Variants in ITPRIP observed in about 807,000 individuals in gnomAD.
The protein encoded by ITPRIP is inositol 1,4,5-trisphosphate receptor interacting protein.
A neutral mutation model predicts 35.8 loss-of-function variants in ITPRIP; 32 were observed. The observed-to-expected ratio is 0.89, with a 90% confidence interval of 0.68 to 1.20. The LOEUF is 1.20. Ranked by LOEUF, ITPRIP falls within the 50% of genes most tolerant of loss-of-function variation. The pLI is 0.00. For synonymous variants in ITPRIP, 358 were observed against 324.0 expected (o/e 1.11, Z -1.13); for missense variants, 653 against 735.6 (o/e 0.89, Z 1.30).
rs2014031468 is a variant in ITPRIP at position 104,326,964 on chromosome 10, C to T, written c.-13-10900G>A. On this transcript the variant is annotated intron_variant, in intron 1 of 1. Transcript: ENST00000337478. The surrounding 1 kb of genome is among the most constrained non-coding windows in gnomAD (Gnocchi z 4.8). ...GGGAGTGTGGCCCTGATACCTTGAT[C>T]CTGGTCTCCAGAACTGTGAAAATAA... is the stretch of plus-strand genomic sequence containing the variant. 6.6e-6 allele frequency: 1 copy of T among 152,194 alleles called. No homozygotes were observed. Among genetic ancestry groups the T allele is most frequent in the Non-Finnish European group, 1.5e-5 (1 of 68,066 alleles). The allele number at this position is 152,194 out of a possible 1,614,324, so 9.4% of individuals were successfully genotyped here. A position where few individuals can be genotyped will look rare whatever the true frequency, so the allele number is the denominator to read the frequency against.
rs1324143421 is a variant in ITPRIP, at chr10:104,330,562, T to C, written c.-14+7684A>G. On this transcript the variant is annotated intron_variant, in intron 1 of 1. Transcript: ENST00000337478. ...TGGACACCTCCCTTCTTGCTCAAGCTTCTTGTAGAAATAAACAGAGGATTA... is the reference window on the plus strand; with the variant it reads ...TGGACACCTCCCTTCTTGCTCAAGCCTCTTGTAGAAATAAACAGAGGATTA... Among the ~76,000 whole-genome samples, 4 of 152,202 alleles carry C rather than the reference T, an allele frequency of 2.6e-5. No homozygotes were observed. The East Asian group carries it at 7.7e-4, about 29-fold the overall frequency.
At position 104,312,765 on chromosome 10, in the gene ITPRIP, G is replaced by A. The variant is rs144537579; in HGVS notation, c.*1643C>T. On this transcript the variant is annotated 3_prime_UTR_variant, in exon 2 of 2. Coordinates refer to ENST00000337478, the MANE Select transcript of ITPRIP (RefSeq NM_001272013.2). ...CTGAGGCTGGTTGAGAGCACTCCTGGGGATGGGGGAAGGATCTCCTTCCTT... is the reference window on the plus strand; with the variant it reads ...CTGAGGCTGGTTGAGAGCACTCCTGAGGATGGGGGAAGGATCTCCTTCCTT... 225 of 985,314 alleles carry A rather than the reference G, an allele frequency of 2.3e-4. No homozygotes were observed. In the African/African-American group the frequency reaches 3.7e-3, roughly 16 times the overall value. 61.0% of individuals were successfully genotyped at this position (985,314 alleles called of 1,614,324 possible). A position where few individuals can be genotyped will look rare whatever the true frequency, so the allele number is the denominator to read the frequency against.
intron 1 of ITPRIP, 21 bp downstream of exon 1, chr10:104,338,225 C>T (rs2014281237): frequency 6.5e-6 from 1 of 153,270 alleles, no homozygotes. Flanking sequence ...CTTCAGCACA[C>T]TAGGCTGCCC....
chr10:104,314,121 T>G lies in ITPRIP; in HGVS notation c.*287A>C. ...CTAACTCAGGGTCCACAGCGTGTTC[T>G]GCCACCATCTTGGCCATTCATGGTG... On this transcript the variant is annotated 3_prime_UTR_variant, in exon 2 of 2. Coordinates refer to ENST00000337478, the MANE Select transcript of ITPRIP (RefSeq NM_001272013.2). 1 of 1,213,344 alleles carries G rather than the reference T, an allele frequency of 8.2e-7. No homozygotes were observed. Among genetic ancestry groups the G allele is most frequent in the Non-Finnish European group, 1.0e-6 (1 of 971,400 alleles). 75.2% of individuals were successfully genotyped at this position (1,213,344 alleles called of 1,614,324 possible).
In ITPRIP at chr10:104,314,408, TCAGCTTTTTG is replaced by T. The variant is rs779337474; in HGVS notation, c.1634_1643del (p.Pro545HisfsTer80). On this transcript the variant is annotated frameshift_variant and stop_lost, in exon 2 of 2. Coordinates refer to ENST00000337478, the MANE Select transcript of ITPRIP (RefSeq NM_001272013.2). LOFTEE classifies it high-confidence loss of function. ...AGGATCCCACATTCTGTAAAAGACGTCAGCTTTTTGGGGTAGGCTGGTCTGAGGGGACATG... is the reference window on the plus strand; with the variant it reads ...AGGATCCCACATTCTGTAAAAGACGTGGGTAGGCTGGTCTGAGGGGACATG... 1 of 1,604,092 alleles carries T rather than the reference TCAGCTTTTTG, an allele frequency of 6.2e-7. No homozygotes were observed. Among genetic ancestry groups the T allele is most frequent in the Non-Finnish European group, 8.5e-7 (1 of 1,173,816 alleles).
chr10:104,327,371 T>A (rs918328729), intron 1 of ITPRIP, among the ~76,000 whole-genome samples: 1 of 152,120 alleles, frequency 6.6e-6, no homozygotes, highest in Admixed American at 6.5e-5. Context: ...GTTCAAGGCC[T>A]GGCCCAACCA....
chr10:104,316,995 TC>T (rs35136372), intron 1 of ITPRIP, among the ~76,000 whole-genome samples: 1 of 152,222 alleles, frequency 6.6e-6, no homozygotes, highest in Middle Eastern at 3.2e-3. Flanking sequence ...GACGCAATGA[TC>T]CCTGCAAACT....
chr10:104,313,310 A>C lies in ITPRIP; in HGVS notation c.*1098T>G. 1 of 986,030 alleles carries C rather than the reference A, an allele frequency of 1.0e-6. No homozygotes were observed. The highest frequency in any genetic ancestry group is 4.7e-5 in the South Asian group (1 of 21,338). The allele number at this position is 986,030 out of a possible 1,614,324, so 61.1% of individuals were successfully genotyped here. On this transcript the variant is annotated 3_prime_UTR_variant, in exon 2 of 2. Coordinates refer to ENST00000337478, the MANE Select transcript of ITPRIP (RefSeq NM_001272013.2). ...GCCAGACACCACCACCCCGGGTAGCATTTTTGAGCACCTCATCGAAGGAGT... is the reference window on the plus strand; with the variant it reads ...GCCAGACACCACCACCCCGGGTAGCCTTTTTGAGCACCTCATCGAAGGAGT...
chr10:104,319,480 G>A (rs932656517), intron 1 of ITPRIP, among the ~76,000 whole-genome samples: 3 of 152,206 alleles, frequency 2.0e-5, no homozygotes, highest in Non-Finnish European at 4.4e-5. Context: ...GCAAAGGGGA[G>A]AAGGCTTCAG....
chr10:104,330,464 C>A (rs1307248869), intron 1 of ITPRIP, among the ~76,000 whole-genome samples: 1 of 152,224 alleles, frequency 6.6e-6, no homozygotes, highest in African/African-American at 2.4e-5. Context: ...TGCAGGCAGA[C>A]TCACTGCCAA....
intron 1 of ITPRIP, among the ~76,000 whole-genome samples, chr10:104,322,236 A>C (rs182970169): frequency 6.6e-6 from 1 of 152,210 alleles, no homozygotes; most frequent in African/African-American, 2.4e-5. Context: ...CAGAATTACT[A>C]CAACCAACCA....
rs543331953 is a variant in ITPRIP at position 104,328,174 on chromosome 10, C to T, written c.-14+10072G>A. ...GCCTGCAGGGGAAGGTCTCCCTCAG[C>T]CTCCAGGATTCCCATCTCCGGTTTC... On this transcript the variant is annotated intron_variant, in intron 1 of 1. Transcript: ENST00000337478. This position sits in a 1 kb window ranked among gnomAD's most constrained non-coding sequence, Gnocchi z 4.1. 5.7e-5 allele frequency: 55 copies of T among 965,454 alleles called. No homozygotes were observed. The African/African-American group carries it at 9.1e-4, about 16-fold the overall frequency. The allele number at this position is 965,454 out of a possible 1,614,324, so 59.8% of individuals were successfully genotyped here.
At position 104,312,941 on chromosome 10, in the gene ITPRIP, A is replaced by T. The variant is rs2013524495; in HGVS notation, c.*1467T>A. Reference sequence around the variant, plus strand: ...GTAACGGTGAGATAGGAAATCTCAAAGGGCCAGTGAAGCCACAGGTGGAAA... The same window carrying T: ...GTAACGGTGAGATAGGAAATCTCAATGGGCCAGTGAAGCCACAGGTGGAAA... On this transcript the variant is annotated 3_prime_UTR_variant, in exon 2 of 2. Transcript: ENST00000337478. 1.0e-6 allele frequency: 1 copy of T among 985,406 alleles called. No homozygotes were observed. The allele number at this position is 985,406 out of a possible 1,614,324, so 61.0% of individuals were successfully genotyped here. A position where few individuals can be genotyped will look rare whatever the true frequency, so the allele number is the denominator to read the frequency against.
rs960020184 is a variant in ITPRIP, at chr10:104,313,264, C to T, written c.*1144G>A. The T allele has an allele frequency of 1.6e-5, 16 of 985,572 alleles. No homozygotes were observed. The African/African-American group carries it at 2.8e-4, about 17-fold the overall frequency. 61.1% of individuals were successfully genotyped at this position (985,572 alleles called of 1,614,324 possible). On this transcript the variant is annotated 3_prime_UTR_variant, in exon 2 of 2. Transcript: ENST00000337478. ...TGGCCCCTGATCTCTGCAACTTTCTCTGAACTGGGCCAGACTGCAAGCCAG... is the reference window on the plus strand; with the variant it reads ...TGGCCCCTGATCTCTGCAACTTTCTTTGAACTGGGCCAGACTGCAAGCCAG...
At chr10:104,329,162 G>A (rs184205160) in intron 1 of ITPRIP, among the ~76,000 whole-genome samples, 10 of 152,186 alleles carry the variant, frequency 6.6e-5, no homozygotes, top group African/African-American at 2.4e-4. Flanking sequence ...CAAAGACAAA[G>A]GGGAGGCCAG....
chr10:104,319,427 A>G (rs1363521545), intron 1 of ITPRIP, among the ~76,000 whole-genome samples: 4 of 152,122 alleles, frequency 2.6e-5, no homozygotes, highest in African/African-American at 9.7e-5. Flanking sequence ...TTCCACTGCT[A>G]TTTCTCCTCC....
chr10:104,316,113 T>C, intron 1 of ITPRIP, 49 bp from the exon 2 acceptor site: 1 of 1,445,664 alleles, frequency 6.9e-7, no homozygotes, highest in Non-Finnish European at 9.2e-7. Flanking sequence ...TCAATGCCAC[T>C]TCGTCCCTGG....
chr10:104,317,116 A>C (rs540706639), intron 1 of ITPRIP, among the ~76,000 whole-genome samples: 1 of 152,312 alleles, frequency 6.6e-6, no homozygotes, highest in South Asian at 2.1e-4. Flanking sequence ...TCTGACCTGG[A>C]AGACCTTACC....
rs139887834 is a variant in ITPRIP, at chr10:104,330,967, C to T, written c.-14+7279G>A. Among the ~76,000 whole-genome samples the T allele has an allele frequency of 4.8e-4, 73 of 152,280 alleles. No homozygotes were observed. In the Middle Eastern group the frequency reaches 0.024, roughly 50 times the overall value. ...CATGTACCTATGGACTTTCCTCACCCGGACTGTTTAGGGAAGGGTAGGTGA... is the reference window on the plus strand; with the variant it reads ...CATGTACCTATGGACTTTCCTCACCTGGACTGTTTAGGGAAGGGTAGGTGA... On this transcript the variant is annotated intron_variant, in intron 1 of 1. Coordinates refer to ENST00000337478, the MANE Select transcript of ITPRIP (RefSeq NM_001272013.2).
Sources: gnomAD v4.1 joint callset for allele counts (sites outside exome capture counted in the v4.1 genomes callset) on GRCh38, gnomAD v4.1.1 for gene constraint, Gnocchi (gnomAD v3.1) non-coding constraint, MANE v1.5 for transcripts, NCBI Gene and HGNC (gene_info 2026-07-23, HGNC 2026-07-21) for gene names.